CTNND2: variants seen among roughly 807,000 people sequenced by gnomAD.
CTNND2 encodes the protein catenin delta 2.
Under a neutral mutation model 144.4 loss-of-function variants are expected in CTNND2, and 22 were observed. The ratio of observed to expected loss-of-function variants is 0.15; its 90% CI spans 0.11 to 0.22. The LOEUF (loss-of-function observed/expected upper bound fraction) is 0.22, where lower values mean the gene tolerates loss of function less well. Ranked by LOEUF, CTNND2 falls within the 10% of genes least tolerant of loss-of-function variation. The pLI is 1.00. For synonymous variants in CTNND2, 751 were observed against 695.6 expected, an observed-to-expected ratio of 1.08 and a Z score of -1.25; for missense variants, 1,353 against 1,618.8, an observed-to-expected ratio of 0.84 and a Z score of 2.82.
At chr5:11,773,725 C>T (rs374453760) in intron 1 of CTNND2, among the ~76,000 whole-genome samples, 11 of 150,030 alleles carry the variant, frequency 7.3e-5, no homozygotes, top group African/African-American at 1.2e-4. Flanking sequence ...GCAGAAGAAT[C>T]GCTTGAACCC....
chr5:11,008,330 G>A (rs1320596672), intron 18 of CTNND2, among the ~76,000 whole-genome samples: 4 of 152,178 alleles, frequency 2.6e-5, no homozygotes, highest in Non-Finnish European at 4.4e-5. Flanking sequence ...TAGGCCCAAT[G>A]TCATCTCAAG....
At chr5:11,631,824 G>A (rs1323315623) in intron 2 of CTNND2, among the ~76,000 whole-genome samples, 1 of 152,142 alleles carries the variant, frequency 6.6e-6, no homozygotes, top group African/African-American at 2.4e-5. Flanking sequence ...GCTGGGAGGA[G>A]GAAGTTTACC....
intron 11 of CTNND2, among the ~76,000 whole-genome samples, chr5:11,197,929 C>T (rs1042795897): frequency 6.6e-6 from 1 of 152,184 alleles, no homozygotes; most frequent in African/African-American, 2.4e-5. Flanking sequence ...CAATTCTTTT[C>T]AAATCATAAA....
chr5:11,076,011 T>C (rs962131146), intron 16 of CTNND2, among the ~76,000 whole-genome samples: 1 of 152,242 alleles, frequency 6.6e-6, no homozygotes, highest in Non-Finnish European at 1.5e-5. Flanking sequence ...ACATACCGAG[T>C]TCTTGTTATG....
chr5:11,198,266 C>A (rs61751788), intron 11 of CTNND2, among the ~76,000 whole-genome samples: 1 of 152,024 alleles, frequency 6.6e-6, no homozygotes, highest in South Asian at 2.1e-4. Flanking sequence ...TTTAGTAGCA[C>A]GGCAATTTTA....
At chr5:11,477,494 C>T (rs1767867722) in intron 3 of CTNND2, among the ~76,000 whole-genome samples, 1 of 151,608 alleles carries the variant, frequency 6.6e-6, no homozygotes, top group African/African-American at 2.4e-5. Flanking sequence ...TCACTGTAAT[C>T]TCAAACTCCT....
chr5:11,528,776 G>A (rs1168112921), intron 3 of CTNND2, among the ~76,000 whole-genome samples: 3 of 152,192 alleles, frequency 2.0e-5, no homozygotes, highest in Non-Finnish European at 4.4e-5. Context: ...AGTGAGCAGC[G>A]ACCTAGCTCT....
intron 18 of CTNND2, among the ~76,000 whole-genome samples, chr5:11,002,002 C>T (rs1250562236): frequency 6.6e-6 from 1 of 152,206 alleles, no homozygotes. Context: ...CCATGGAGCT[C>T]AGAAGAAGAT....
At chr5:11,274,117 G>A (rs1172027417) in intron 9 of CTNND2, among the ~76,000 whole-genome samples, 2 of 152,080 alleles carry the variant, frequency 1.3e-5, no homozygotes, top group Non-Finnish European at 2.9e-5. Flanking sequence ...AACAGTCCAC[G>A]CCGCCAACAT....
At chr5:11,057,557 C>T (rs1210460084) in intron 16 of CTNND2, among the ~76,000 whole-genome samples, 1 of 152,188 alleles carries the variant, frequency 6.6e-6, no homozygotes, top group Non-Finnish European at 1.5e-5. Flanking sequence ...ATCCAATAAA[C>T]CTCTTTCTTT....
At chr5:11,879,767 T>A (rs1735891051) in intron 1 of CTNND2, among the ~76,000 whole-genome samples, 1 of 152,120 alleles carries the variant, frequency 6.6e-6, no homozygotes, top group Non-Finnish European at 1.5e-5. Flanking sequence ...GTACACAAAT[T>A]CTCAAAAGTA....
intron 3 of CTNND2, among the ~76,000 whole-genome samples, chr5:11,508,721 G>A (rs1771326416): frequency 6.6e-6 from 1 of 152,156 alleles, no homozygotes; most frequent in Non-Finnish European, 1.5e-5. Context: ...AGACCAGCCT[G>A]GCCAACATGG....
rs116741714 is a variant in CTNND2, at chr5:11,842,981, A to G, written c.37+60836T>C. On this transcript the variant is annotated intron_variant, in intron 1 of 21. Transcript: ENST00000304623. ...AAACATGTGAAGCGCTGTTGTATAG[A>G]AGAAACATTAACTTGGCTCAGTCTA... 8.7e-3 allele frequency among the ~76,000 whole-genome samples: 1,328 copies of G among 152,282 alleles called. 25 individuals are homozygous for G. The highest frequency in any genetic ancestry group is 0.03 in the African/African-American group (1,241 of 41,548).
chr5:11,670,400 C>A (rs561612624), intron 2 of CTNND2, among the ~76,000 whole-genome samples: 8 of 152,226 alleles, frequency 5.3e-5, no homozygotes, highest in African/African-American at 1.9e-4. Context: ...CTTTTTAGGT[C>A]TCTAAGGACT....
At chr5:11,627,527 G>C (rs1397292349) in intron 2 of CTNND2, among the ~76,000 whole-genome samples, 1 of 151,720 alleles carries the variant, frequency 6.6e-6, no homozygotes, top group African/African-American at 2.4e-5. Context: ...AAATCCTGCA[G>C]ACAAAATGAA....
chr5:11,446,022 A>G (rs1241863347), intron 3 of CTNND2, among the ~76,000 whole-genome samples: 1 of 152,150 alleles, frequency 6.6e-6, no homozygotes, highest in Non-Finnish European at 1.5e-5. Flanking sequence ...CCCAGGGTGG[A>G]GTGCAGTGGC....
At chr5:11,855,369 C>T (rs1300756912) in intron 1 of CTNND2, among the ~76,000 whole-genome samples, 3 of 152,124 alleles carry the variant, frequency 2.0e-5, no homozygotes, top group African/African-American at 7.2e-5. Flanking sequence ...AAAACAGAGA[C>T]CAATTGTAGG....
At chr5:11,839,440 A>C (rs1794340406) in intron 1 of CTNND2, among the ~76,000 whole-genome samples, 1 of 151,608 alleles carries the variant, frequency 6.6e-6, no homozygotes, top group Admixed American at 6.6e-5. Context: ...AAACAATGAC[A>C]ATTTTTTTTT....
chr5:11,291,881 T>C (rs1748385306), intron 9 of CTNND2, among the ~76,000 whole-genome samples: 1 of 152,180 alleles, frequency 6.6e-6, no homozygotes, highest in Admixed American at 6.5e-5. Context: ...CACATTTCTC[T>C]TCAGATTTGC....
Sources: gnomAD v4.1 joint callset for allele counts (sites outside exome capture counted in the v4.1 genomes callset) on GRCh38, gnomAD v4.1.1 for gene constraint, MANE v1.5 for transcripts, NCBI Gene and HGNC (gene_info 2026-07-23, HGNC 2026-07-21) for gene names.